LDLRAD3: variants seen among roughly 807,000 people sequenced by gnomAD.
LDLRAD3 encodes low-density lipoprotein receptor class A domain-containing protein 3.
In LDLRAD3, 20 loss-of-function variants were observed where a neutral mutation model predicts 29.4. The ratio of observed to expected loss-of-function variants is 0.68; its 90% CI spans 0.48 to 0.99. The LOEUF (loss-of-function observed/expected upper bound fraction) is 0.99, where lower values mean the gene tolerates loss of function less well. Ranked by LOEUF, LDLRAD3 falls within the 50% of genes least tolerant of loss-of-function variation. LDLRAD3 has a pLI of 0.00. For synonymous variants in LDLRAD3, 157 were observed against 192.7 expected, an observed-to-expected ratio of 0.81 and a Z score of 1.53; for missense variants, 420 against 454.3, an observed-to-expected ratio of 0.92 and a Z score of 0.69.
At position 36,147,343 on chromosome 11, in the gene LDLRAD3, C is replaced by G. The variant is rs549829127; in HGVS notation, c.454+48882C>G. Among the ~76,000 whole-genome samples the G allele has an allele frequency of 2.0e-5, 3 of 151,956 alleles. 1 individual carries two copies. The East Asian group carries it at 5.8e-4, about 30-fold the overall frequency. On this transcript the variant is annotated intron_variant, in intron 4 of 5. Transcript: ENST00000315571. ...CCATGTTAGCCAGGATGGTCTCAAT[C>G]TCCTGACTTTGTGATCCACCCGCCT...
At chr11:36,181,765 C>T (rs1854766942) in intron 4 of LDLRAD3, among the ~76,000 whole-genome samples, 1 of 152,140 alleles carries the variant, frequency 6.6e-6, no homozygotes, top group Non-Finnish European at 1.5e-5. Context: ...CTGAAAAGGT[C>T]CTCAATTACT....
At chr11:35,948,686 G>A (rs1423643883) in intron 1 of LDLRAD3, among the ~76,000 whole-genome samples, 1 of 152,030 alleles carries the variant, frequency 6.6e-6, no homozygotes, top group Non-Finnish European at 1.5e-5. Context: ...TGCTTGGTCG[G>A]GGGAGAGCAA....
intron 4 of LDLRAD3, among the ~76,000 whole-genome samples, chr11:36,145,375 G>T (rs1182717189): frequency 1.1e-4 from 11 of 98,346 alleles, no homozygotes; most frequent in East Asian, 8.7e-4. Flanking sequence ...CCGTCTGGGA[G>T]GGAGGTGGGG....
intron 2 of LDLRAD3, among the ~76,000 whole-genome samples, chr11:36,043,036 G>T (rs138952483): frequency 6.6e-6 from 1 of 152,162 alleles, no homozygotes; most frequent in Non-Finnish European, 1.5e-5. Flanking sequence ...TATAGGCTGG[G>T]CATGGTGGCT....
intron 1 of LDLRAD3, among the ~76,000 whole-genome samples, chr11:36,034,606 A>G (rs557047845): frequency 1.1e-4 from 17 of 152,336 alleles, no homozygotes; most frequent in African/African-American, 4.1e-4. Flanking sequence ...GGGAAATTCC[A>G]TGCAACAAGG....
intron 4 of LDLRAD3, among the ~76,000 whole-genome samples, chr11:36,184,841 C>T (rs1854822054): frequency 6.6e-6 from 1 of 152,166 alleles, no homozygotes; most frequent in Non-Finnish European, 1.5e-5. Flanking sequence ...CCAAGCATAA[C>T]AGAGGGTCTC....
intron 3 of LDLRAD3, among the ~76,000 whole-genome samples, chr11:36,088,834 G>C (rs1331239811): frequency 6.6e-6 from 1 of 152,150 alleles, no homozygotes; most frequent in South Asian, 2.1e-4. Flanking sequence ...ATCCTCCTGT[G>C]TGTTCTCAGA....
At chr11:35,960,205 C>A (rs1361426249) in intron 1 of LDLRAD3, among the ~76,000 whole-genome samples, 1 of 152,132 alleles carries the variant, frequency 6.6e-6, no homozygotes, top group African/African-American at 2.4e-5. Flanking sequence ...ATTTTGAGTT[C>A]TATCCACATT....
chr11:36,182,504 A>C (rs1430287173), intron 4 of LDLRAD3, among the ~76,000 whole-genome samples: 5 of 152,214 alleles, frequency 3.3e-5, no homozygotes, highest in African/African-American at 9.6e-5. Flanking sequence ...CATCATTTCA[A>C]CAAACTATTT....
intron 4 of LDLRAD3, chr11:36,163,454 C>T (rs971878678): frequency 6.6e-6 from 1 of 152,186 alleles, no homozygotes; most frequent in Non-Finnish European, 1.5e-5. Flanking sequence ...CCTTACTTCC[C>T]TGCATATGAT....
intron 4 of LDLRAD3, among the ~76,000 whole-genome samples, chr11:36,141,036 C>CTCTCTG (rs1491124137): frequency 7.2e-6 from 1 of 138,602 alleles, no homozygotes; most frequent in Non-Finnish European, 1.5e-5. Context: ...CTCTCTCTCT[C>CTCTCTG]CGTGTGGGGG....
At chr11:36,107,204 CTTT>C (rs1282766992) in intron 4 of LDLRAD3, among the ~76,000 whole-genome samples, 1 of 143,866 alleles carries the variant, frequency 7.0e-6, no homozygotes, top group Non-Finnish European at 1.5e-5. Context: ...TTTTCTTTTT[CTTT>C]TTTTTTTTTT....
intron 4 of LDLRAD3, among the ~76,000 whole-genome samples, chr11:36,123,785 T>C (rs1853795123): frequency 6.6e-6 from 1 of 152,224 alleles, no homozygotes; most frequent in South Asian, 2.1e-4. Flanking sequence ...CTGACTCTTG[T>C]CCGAGGGTCT....
At chr11:36,144,778 G>A (rs1219777338) in intron 4 of LDLRAD3, among the ~76,000 whole-genome samples, 5 of 131,400 alleles carry the variant, frequency 3.8e-5, no homozygotes, top group Non-Finnish European at 8.3e-5. Context: ...CCCCCGCCCG[G>A]CCAGCCGCCC....
At chr11:36,141,539 G>T (rs1854086850) in intron 4 of LDLRAD3, among the ~76,000 whole-genome samples, 1 of 152,058 alleles carries the variant, frequency 6.6e-6, no homozygotes, top group Non-Finnish European at 1.5e-5. Flanking sequence ...TAGTGCATCT[G>T]ATCAACTTTA....
chr11:36,227,532 C>A, intron 5 of LDLRAD3, 102 bp downstream of exon 5: 1 of 868,026 alleles, frequency 1.2e-6, no homozygotes, highest in Non-Finnish European at 1.7e-6. Flanking sequence ...AAGAGCCTGG[C>A]TTCAGCTGCT....
At chr11:36,045,537 T>G (rs966166125) in intron 2 of LDLRAD3, among the ~76,000 whole-genome samples, 4 of 152,160 alleles carry the variant, frequency 2.6e-5, no homozygotes, top group African/African-American at 9.7e-5. Flanking sequence ...CTGTCTGATA[T>G]ACTTTGGCCA....
At chr11:35,997,556 C>CT in intron 1 of LDLRAD3, 6 of 341,426 alleles carry the variant, frequency 1.8e-5, no homozygotes, top group Middle Eastern at 1.1e-3. Flanking sequence ...CATCACCAAC[C>CT]TTTTTTGCAG....
chr11:36,219,958 A>AT (rs1329278644), intron 4 of LDLRAD3, among the ~76,000 whole-genome samples: 1 of 152,258 alleles, frequency 6.6e-6, no homozygotes, highest in Non-Finnish European at 1.5e-5. Context: ...AACATATAAA[A>AT]TGCTCTTACT....
Sources: allele counts gnomAD v4.1 joint callset (sites outside exome capture counted in the v4.1 genomes callset), GRCh38; gene constraint gnomAD v4.1.1; transcripts MANE v1.5; gene names NCBI Gene and HGNC (gene_info 2026-07-23, HGNC 2026-07-21).